The following SLA2 variants were observed in gnomAD, a reference collection of about 807,000 sequenced individuals.
SLA2 encodes src-like-adapter 2.
Under a neutral mutation model 27.3 loss-of-function variants are expected in SLA2, and 22 were observed. That is an observed-to-expected ratio of 0.81 (90% CI 0.58 to 1.15). The LOEUF is 1.15. SLA2 is among the 50% of genes most tolerant of loss of function. The pLI is 0.00. For synonymous variants in SLA2, 131 were observed against 137.8 expected (o/e 0.95, Z 0.34); for missense variants, 304 against 322.2 (o/e 0.94, Z 0.43).
chr20:36,641,413 G>C, intron 1 of SLA2, 35 bp from the exon 2 acceptor site: 1 of 1,323,790 alleles, frequency 7.6e-7, no homozygotes, highest in Non-Finnish European at 1.1e-6. Context: ...CAGAGCCGAG[G>C]CTTCTGGCCC....
chr20:36,617,643 G>T (rs897260224), intron 5 of SLA2, among the ~76,000 whole-genome samples: 1 of 151,908 alleles, frequency 6.6e-6, no homozygotes, highest in Non-Finnish European at 1.5e-5. Context: ...GGATCACAAG[G>T]TCAGGAGATC....
At chr20:36,640,573 G>A (rs1199456040) in intron 2 of SLA2, among the ~76,000 whole-genome samples, 1 of 149,610 alleles carries the variant, frequency 6.7e-6, no homozygotes, top group Non-Finnish European at 1.5e-5. Context: ...CAGTGGCATA[G>A]TGGCATGATC....
intron 5 of SLA2, among the ~76,000 whole-genome samples, chr20:36,632,218 A>G (rs1018284106): frequency 1.3e-5 from 2 of 151,532 alleles, no homozygotes; most frequent in Admixed American, 6.6e-5. Context: ...CTAACCTCCT[A>G]TTGTCCCGAG....
At chr20:36,644,808 G>C (rs1432904958) in intron 1 of SLA2, among the ~76,000 whole-genome samples, 1 of 151,470 alleles carries the variant, frequency 6.6e-6, no homozygotes, top group East Asian at 1.9e-4. Flanking sequence ...ATGAGGCATC[G>C]GGTGAAAGGA....
Position 36,634,583 on chromosome 20 carries a change from C to T in SLA2, c.98G>A (p.Ser33Asn), listed in dbSNP as rs749607313. The change falls in exon 3 of 8, where the codon AGC becomes AAC. Residue 33 changes from serine (S) to asparagine (N), a missense_variant. Physicochemically the swap from Ser to Asn is conservative, Grantham distance 46. Coordinates refer to ENST00000262866, the MANE Select transcript of SLA2 (RefSeq NM_032214.4). ...QGPVTMEAER[S>N]KATAVALGSF... The stretch of plus-strand genomic sequence containing the variant: ...GCCCAGGGCCACGGCTGTGGCCTTG[C>T]TTCTCTCTAGATGGAGGGACAGAAA... 5.0e-6 allele frequency: 8 copies of T among 1,602,124 alleles called. No individual in the cohort carries two copies. Among genetic ancestry groups the T allele is most frequent in the Non-Finnish European group, 6.8e-6 (8 of 1,171,830 alleles).
At chr20:36,636,374 T>C (rs2039446324) in intron 2 of SLA2, among the ~76,000 whole-genome samples, 2 of 144,056 alleles carry the variant, frequency 1.4e-5, no homozygotes, top group African/African-American at 2.8e-5. Context: ...TGAGCCGAGA[T>C]TGCGCCACTG....
intron 2 of SLA2, 77 bp from the exon 3 acceptor site, chr20:36,634,666 G>T: frequency 1.1e-6 from 1 of 927,716 alleles, no homozygotes; most frequent in Non-Finnish European, 1.6e-6. Flanking sequence ...GTCTGGCCTG[G>T]GTCTGGCTCC....
chr20:36,620,565 C>CTTT (rs35429682), intron 5 of SLA2: 60 of 107,580 alleles, frequency 5.6e-4, no homozygotes, highest in Non-Finnish European at 7.1e-4. Flanking sequence ...ACCACACTGG[C>CTTT]TTTTTTTTTT....
intron 4 of SLA2, 76 bp from the exon 5 acceptor site, chr20:36,632,774 G>A (rs375379044): frequency 7.4e-5 from 85 of 1,152,670 alleles, no homozygotes; most frequent in Middle Eastern, 5.8e-4. Flanking sequence ...TACCACCACC[G>A]CTGAGTGACC....
Position 36,612,737 on chromosome 20 carries a change from G to A in SLA2, c.*1129C>T, listed in dbSNP as rs1284070097. On this transcript the variant is annotated 3_prime_UTR_variant, in exon 8 of 8. Transcript: ENST00000262866. The stretch of plus-strand genomic sequence containing the variant: ...GCAGGGAAATCAAGGGCTGGATTTG[G>A]TGTAGGCTGTGGTCTCCGTCTTGGC... The A allele has an allele frequency of 4.9e-6, 1 of 203,012 alleles. No individual in the cohort carries two copies. Among genetic ancestry groups the A allele is most frequent in the Non-Finnish European group, 1.0e-5 (1 of 97,358 alleles). 12.6% of individuals were successfully genotyped at this position (203,012 alleles called of 1,614,324 possible).
chr20:36,615,409 C>T, intron 5 of SLA2, 35 bp from the exon 6 acceptor site: 2 of 1,611,310 alleles, frequency 1.2e-6, no homozygotes, highest in South Asian at 1.1e-5. Context: ...GGCACTGAGG[C>T]CCTGCTGGGA....
rs2039425720 is a variant in SLA2 at position 36,634,588 on chromosome 20, C to A, written c.93G>T (p.Glu31Asp). 1.3e-6 allele frequency: 2 copies of A among 1,597,412 alleles called. No individual in the cohort carries two copies. The highest frequency in any genetic ancestry group is 8.6e-7 in the Non-Finnish European group (1 of 1,168,296). ...GGGCCACGGCTGTGGCCTTGCTTCTCTCTAGATGGAGGGACAGAAATAGTC... is the reference window on the plus strand; with the variant it reads ...GGGCCACGGCTGTGGCCTTGCTTCTATCTAGATGGAGGGACAGAAATAGTC... ...QGQGPVTMEAERSKATAVALG... is the reference protein window; with the variant it reads ...QGQGPVTMEADRSKATAVALG... Residue 31 changes from glutamate to aspartate, a missense_variant and splice_region_variant, in exon 3 of 8, where the codon GAG becomes GAT. By Grantham distance (45) the Glu-to-Asp change is conservative. Coordinates refer to ENST00000262866, the MANE Select transcript of SLA2 (RefSeq NM_032214.4).
rs1330533884 is a variant in SLA2 at position 36,613,211 on chromosome 20, C to T, written c.*655G>A. On this transcript the variant is annotated 3_prime_UTR_variant, in exon 8 of 8. Transcript: ENST00000262866. ...CTCCAGCATGGGCAACAGGGCAAGA[C>T]TCCGTCTCAAAAAAAAGAAAAAGAG... is the stretch of plus-strand genomic sequence containing the variant. 3 of 152,348 alleles carry T rather than the reference C, an allele frequency of 2.0e-5. No individual in the cohort carries two copies. The highest frequency in any genetic ancestry group is 4.4e-5 in the Non-Finnish European group (3 of 68,172). 9.4% of individuals were successfully genotyped at this position (152,348 alleles called of 1,614,324 possible).
chr20:36,643,224 G>A (rs922409178), intron 1 of SLA2, among the ~76,000 whole-genome samples: 5 of 152,112 alleles, frequency 3.3e-5, no homozygotes, highest in East Asian at 1.9e-4. Flanking sequence ...TTAAATCCCC[G>A]GATTTCCAGG....
In SLA2 at chr20:36,637,646, T is replaced by TTG. The variant is rs1491016261; in HGVS notation, c.92-3058_92-3057insCA. Among the ~76,000 whole-genome samples, 5 of 141,918 alleles carry TTG rather than the reference T, an allele frequency of 3.5e-5. No individual in the cohort carries two copies. The East Asian group carries it at 6.3e-4, about 18-fold the overall frequency. 93.1% of individuals were successfully genotyped at this position (141,918 alleles called of 152,430 possible). On this transcript the variant is annotated intron_variant, in intron 2 of 7. Transcript: ENST00000262866. ...TTGCTTTTTTTTTTTTTTTTTTTTTTGAGACAGTCCTGCTCTGTTGCCCAG... is the reference window on the plus strand; with the variant it reads ...TTGCTTTTTTTTTTTTTTTTTTTTTTTGGAGACAGTCCTGCTCTGTTGCCCAG...
intron 5 of SLA2, among the ~76,000 whole-genome samples, chr20:36,616,161 GA>G (rs2039207575): frequency 6.6e-6 from 1 of 152,166 alleles, no homozygotes. Flanking sequence ...TGAAGCATGA[GA>G]GGGGGCTACA....
intron 5 of SLA2, among the ~76,000 whole-genome samples, chr20:36,617,873 C>T (rs2039232885): frequency 6.6e-6 from 1 of 151,316 alleles, no homozygotes; most frequent in South Asian, 2.1e-4. Context: ...TTAGTCCAGG[C>T]GCAGTGGCTC....
At chr20:36,636,378 G>A (rs1316818386) in intron 2 of SLA2, among the ~76,000 whole-genome samples, 2 of 137,926 alleles carry the variant, frequency 1.5e-5, no homozygotes, top group African/African-American at 2.9e-5. Flanking sequence ...CCGAGATTGC[G>A]CCACTGCAGT....
chr20:36,619,834 A>C (rs1193067962), intron 5 of SLA2, among the ~76,000 whole-genome samples: 1 of 150,380 alleles, frequency 6.6e-6, no homozygotes, highest in Non-Finnish European at 1.5e-5. Flanking sequence ...GGGTTTCACC[A>C]TGTTAGCCAG....
Sources: gnomAD v4.1 joint callset for allele counts (sites outside exome capture counted in the v4.1 genomes callset) on GRCh38, gnomAD v4.1.1 for gene constraint, MANE v1.5 for transcripts, NCBI Gene and HGNC (gene_info 2026-07-23, HGNC 2026-07-21) for gene names.